The following BRDT variants were observed in gnomAD, a reference collection of about 807,000 sequenced individuals.
BRDT encodes bromodomain testis-specific protein.
A neutral mutation model predicts 113.9 loss-of-function variants in BRDT; 77 were observed. That is an observed-to-expected ratio of 0.68 (90% confidence interval 0.56 to 0.82). The LOEUF (loss-of-function observed/expected upper bound fraction) is 0.82, where lower values mean the gene tolerates loss of function less well. Among genes scored for constraint, BRDT ranks in the 40% least tolerant of loss-of-function variants. The pLI is 0.00. For missense variants in BRDT, 1,027 were observed against 1,105.4 expected (o/e 0.93, Z 1.01); for synonymous variants, 358 against 366.5 (o/e 0.98, Z 0.26).
rs1684229420 is a variant in BRDT, at chr1:91,977,182, T to C, written c.758T>C (p.Val253Ala). Residue 253 changes from valine to alanine, a missense_variant, in exon 6 of 19, where the codon GTT (valine) becomes GCT (alanine). Coordinates refer to ENST00000399546, the MANE Select transcript of BRDT (RefSeq NM_207189.4). ...ATAAAAGAAAATATGCCAAAGAATGTTTTGCCAGATTCTCAGCAACAATAT... is the reference window on the plus strand; with the variant it reads ...ATAAAAGAAAATATGCCAAAGAATGCTTTGCCAGATTCTCAGCAACAATAT... ...PPIKENMPKN[V>A]LPDSQQQYNV... The C allele has an allele frequency of 6.2e-7, 1 of 1,614,068 alleles. No homozygotes were observed. Among genetic ancestry groups the C allele is most frequent in the Non-Finnish European group, 8.5e-7 (1 of 1,179,992 alleles).
At chr1:91,971,002 G>A (rs1422618609) in intron 4 of BRDT, among the ~76,000 whole-genome samples, 1 of 151,980 alleles carries the variant, frequency 6.6e-6, no homozygotes, top group Non-Finnish European at 1.5e-5. Context: ...TGGTTTTGCA[G>A]GCTGTATAAT....
chr1:91,963,957 T>G (rs1483222508), intron 2 of BRDT, among the ~76,000 whole-genome samples: 3 of 152,076 alleles, frequency 2.0e-5, no homozygotes, highest in African/African-American at 7.2e-5. Flanking sequence ...CTGCAACCTC[T>G]GCCTCCTGGG....
chr1:91,959,328 AAAT>A (rs1438810212), intron 1 of BRDT, among the ~76,000 whole-genome samples: 1 of 152,132 alleles, frequency 6.6e-6, no homozygotes, highest in Non-Finnish European at 1.5e-5. Context: ...GGTTAGCTTT[AAAT>A]AATTACAAAG....
In BRDT at chr1:91,986,251, G is replaced by C. The variant is rs1010748702; in HGVS notation, c.2002+4496G>C. Among the ~76,000 whole-genome samples, 4 of 152,006 alleles carry C rather than the reference G, an allele frequency of 2.6e-5. No homozygotes were observed. In the South Asian group the frequency reaches 8.3e-4, roughly 32 times the overall value. On this transcript the variant is annotated intron_variant, in intron 12 of 18. Transcript: ENST00000399546. ...GAGTTTTCTAATGCTCAACAATCTT[G>C]GGGTTACCTTGAGTGATTTATAGGG...
intron 1 of BRDT, among the ~76,000 whole-genome samples, chr1:91,956,115 T>G (rs1316639431): frequency 2.0e-5 from 3 of 152,228 alleles, no homozygotes; most frequent in Non-Finnish European, 4.4e-5. Flanking sequence ...TTAACATTTC[T>G]TCCTGTATAC....
intron 15 of BRDT, among the ~76,000 whole-genome samples, chr1:92,000,325 A>T (rs1372114573): frequency 6.6e-6 from 1 of 152,242 alleles, no homozygotes; most frequent in African/African-American, 2.4e-5. Flanking sequence ...ACTGACAGGA[A>T]GCAGAGAAGG....
At chr1:91,975,673 A>G (rs577088069) in intron 4 of BRDT, among the ~76,000 whole-genome samples, 2 of 152,324 alleles carry the variant, frequency 1.3e-5, no homozygotes, top group South Asian at 4.1e-4. Context: ...GAACAATTAG[A>G]AGAATAGAGT....
chr1:91,990,538 T>G (rs1055975169), intron 12 of BRDT, among the ~76,000 whole-genome samples: 47 of 152,244 alleles, frequency 3.1e-4, no homozygotes, highest in African/African-American at 1.0e-3. Context: ...TGAAACCTTA[T>G]CTCTGTTGCA....
chr1:92,012,036 C>G lies in BRDT; in HGVS notation c.2776-2170C>G, dbSNP rs565930752. Among the ~76,000 whole-genome samples the G allele has an allele frequency of 2.6e-5, 4 of 152,282 alleles. No homozygotes were observed. In the South Asian group the frequency reaches 8.3e-4, roughly 32 times the overall value. On this transcript the variant is annotated intron_variant, in intron 18 of 18. Coordinates refer to ENST00000399546, the MANE Select transcript of BRDT (RefSeq NM_207189.4). ...TAAAAATCATGGTATTGGCTGGGTACAGTGGCTCACGCCTATAATCTTAAC... is the reference window on the plus strand; with the variant it reads ...TAAAAATCATGGTATTGGCTGGGTAGAGTGGCTCACGCCTATAATCTTAAC...
intron 1 of BRDT, among the ~76,000 whole-genome samples, chr1:91,951,461 C>T (rs1343755475): frequency 4.7e-5 from 7 of 149,272 alleles, no homozygotes; most frequent in Non-Finnish European, 1.0e-4. Flanking sequence ...TAAGGCGGGG[C>T]GGCAGGGTGG....
intron 3 of BRDT, among the ~76,000 whole-genome samples, 153 bp downstream of exon 3, chr1:91,964,917 T>TA (rs1270209728): frequency 1.9e-4 from 29 of 150,482 alleles, no homozygotes; most frequent in African/African-American, 6.3e-4. Context: ...ATAATTTTTT[T>TA]TTTTTTTTTT....
At chr1:91,952,758 AC>A (rs2101473401) in intron 1 of BRDT, among the ~76,000 whole-genome samples, 1 of 127,940 alleles carries the variant, frequency 7.8e-6, no homozygotes, top group African/African-American at 2.9e-5. Context: ...AGCCTGGGTA[AC>A]GTAGTGAGAC....
chr1:92,011,476 C>CT (rs1020675919), intron 18 of BRDT, among the ~76,000 whole-genome samples: 1 of 151,822 alleles, frequency 6.6e-6, no homozygotes, highest in African/African-American at 2.4e-5. Flanking sequence ...GACCTAAAGT[C>CT]TTTCTTTTTT....
intron 18 of BRDT, among the ~76,000 whole-genome samples, chr1:92,009,519 T>C (rs1275020400): frequency 3.3e-5 from 5 of 151,654 alleles, no homozygotes; most frequent in Non-Finnish European, 5.9e-5. Context: ...CCATAAACAT[T>C]TGTTTGCAGG....
intron 14 of BRDT, among the ~76,000 whole-genome samples, chr1:91,993,017 C>T (rs183574633): frequency 6.6e-6 from 1 of 152,210 alleles, no homozygotes; most frequent in East Asian, 1.9e-4. Context: ...TTCACTTTCA[C>T]TCACTGAGGA....
At chr1:91,972,881 C>T (rs1051851492) in intron 4 of BRDT, among the ~76,000 whole-genome samples, 2 of 152,066 alleles carry the variant, frequency 1.3e-5, no homozygotes, top group Non-Finnish European at 2.9e-5. Context: ...TTACTTAGTT[C>T]CTGAGTTTGT....
At position 91,968,317 on chromosome 1, in the gene BRDT, CAT is replaced by C. The variant is rs1491542143; in HGVS notation, c.445+58_445+59del. ...CTCTCTTTTTTTCCCCTATCTATCT[CAT>C]GTGTGTGTGTAAATCCCTCAAAGGA... On this transcript the variant is annotated intron_variant, in intron 4 of 18. Coordinates refer to ENST00000399546, the MANE Select transcript of BRDT (RefSeq NM_207189.4). 1.8e-4 allele frequency: 291 copies of C among 1,580,920 alleles called. 1 individual carries two copies. In the African/African-American group the frequency reaches 2.7e-3, roughly 15 times the overall value.
intron 12 of BRDT, among the ~76,000 whole-genome samples, chr1:91,984,377 A>C (rs757880833): frequency 2.0e-5 from 3 of 152,174 alleles, no homozygotes; most frequent in Non-Finnish European, 4.4e-5. Context: ...TGTGAAAAAT[A>C]AGCAAGTCAA....
At chr1:92,002,279 G>A (rs1361627683) in intron 16 of BRDT, 130 bp downstream of exon 16, 5 of 640,454 alleles carry the variant, frequency 7.8e-6, no homozygotes, top group Admixed American at 3.3e-5. Context: ...TTTTGCCTAC[G>A]TAATTTTTTG....
Sources: gnomAD v4.1 joint callset for allele counts (sites outside exome capture counted in the v4.1 genomes callset) on GRCh38, gnomAD v4.1.1 for gene constraint, MANE v1.5 for transcripts, NCBI Gene and HGNC (gene_info 2026-07-23, HGNC 2026-07-21) for gene names.